Variants in SYNE1 observed in about 807,000 individuals in gnomAD.
The protein encoded by SYNE1 is nesprin-1.
SYNE1 carries 616 observed loss-of-function variants against 1,111.0 expected under a neutral mutation model. That is an observed-to-expected ratio of 0.55 (90% CI 0.52 to 0.59). SYNE1 has a LOEUF of 0.59. SYNE1 is among the 20% of genes least tolerant of loss of function. SYNE1 has a pLI of 0.00. For synonymous variants in SYNE1, 3,855 were observed against 3,825.8 expected, an observed-to-expected ratio of 1.01 and a Z score of -0.28; for missense variants, 10,006 against 10,417.0, an observed-to-expected ratio of 0.96 and a Z score of 1.72.
At chr6:152,250,865 T>C (rs2088973387) in intron 104 of SYNE1, among the ~76,000 whole-genome samples, 1 of 152,236 alleles carries the variant, frequency 6.6e-6, no homozygotes, top group Non-Finnish European at 1.5e-5. Context: ...CCAGTTAATC[T>C]AAATGAGTAG....
intron 12 of SYNE1, among the ~76,000 whole-genome samples, chr6:152,486,439 C>T (rs938400374): frequency 8.5e-5 from 13 of 152,170 alleles, no homozygotes; most frequent in African/African-American, 9.7e-5. Flanking sequence ...TGATCACCTT[C>T]GGGCTGAAAG....
chr6:152,484,867 C>G lies in SYNE1; in HGVS notation c.1153G>C (p.Val385Leu). 3.1e-6 allele frequency: 5 copies of G among 1,613,934 alleles called. No individual in the cohort carries two copies. Among genetic ancestry groups the G allele is most frequent in the South Asian group, 1.1e-5 (1 of 91,084 alleles). Reference sequence around the variant, plus strand: ...GTCACTCTATCCCAAGATTGTTTTACCAATGCTTGGTCAAGTGACAATTTA... The same window carrying G: ...GTCACTCTATCCCAAGATTGTTTTAGCAATGCTTGGTCAAGTGACAATTTA... ...DGKLSLDQAL[V>L]KQSWDRVTSR... The change falls in exon 13 of 146, where the codon GTA becomes CTA. Residue 385 changes from valine to leucine, a missense_variant. This residue lies in a region of SYNE1 where 1,971 missense variants were observed against 2,084.1 expected (regional missense o/e 0.95). Coordinates refer to ENST00000367255, the MANE Select transcript of SYNE1 (RefSeq NM_182961.4).
At chr6:152,273,731 G>T (rs993201592) in intron 98 of SYNE1, among the ~76,000 whole-genome samples, 3 of 152,230 alleles carry the variant, frequency 2.0e-5, no homozygotes. Context: ...AATGCCACTT[G>T]TAAATTCTTG....
At chr6:152,287,571 A>G (rs2094399843) in intron 95 of SYNE1, among the ~76,000 whole-genome samples, 2 of 152,128 alleles carry the variant, frequency 1.3e-5, no homozygotes, top group Non-Finnish European at 2.9e-5. Context: ...TTTTTGAGAC[A>G]GAGTCTCACC....
chr6:152,582,699 T>C (rs1489254831), intron 3 of SYNE1, among the ~76,000 whole-genome samples: 1 of 152,016 alleles, frequency 6.6e-6, no homozygotes, highest in East Asian at 1.9e-4. Context: ...CAGTGAAAAC[T>C]ATCTGATAAG....
Position 152,255,611 on chromosome 6 carries a change from T to A in SYNE1, c.19240A>T (p.Thr6414Ser). Residue 6414 changes from threonine to serine, a missense_variant, in exon 103 of 146, where the codon ACT becomes TCT. Physicochemically the swap from Thr to Ser is moderately conservative, Grantham distance 58. Transcript: ENST00000367255. Reference sequence around the variant, plus strand: ...CCTACCTCTTGGTTGAAGAGACAAGTCTCTGTTTCTTCTGGTAAAAGTGCT... The same window carrying A: ...CCTACCTCTTGGTTGAAGAGACAAGACTCTGTTTCTTCTGGTAAAAGTGCT... ...ATALLPEETE[T>S]CLFNQEILAK... 1 of 1,614,164 alleles carries A rather than the reference T, an allele frequency of 6.2e-7. No homozygotes were observed. Among genetic ancestry groups the A allele is most frequent in the Non-Finnish European group, 8.5e-7 (1 of 1,180,028 alleles).
intron 40 of SYNE1, 21 bp from the exon 41 acceptor site, chr6:152,417,036 A>G: frequency 6.2e-7 from 1 of 1,613,082 alleles, no homozygotes; most frequent in Non-Finnish European, 8.5e-7. Context: ...AGAGAGAGTT[A>G]TTGATTCCTG....
intron 14 of SYNE1, among the ~76,000 whole-genome samples, chr6:152,473,389 G>A (rs2098817611): frequency 6.6e-6 from 1 of 152,164 alleles, no homozygotes; most frequent in African/African-American, 2.4e-5. Flanking sequence ...CTAAAATCAA[G>A]AGACACACTT....
chr6:152,472,678 C>T (rs1057062789), intron 14 of SYNE1: 23 of 699,112 alleles, frequency 3.3e-5, no homozygotes, highest in East Asian at 5.4e-5. Context: ...TGCATTCAGA[C>T]GTTTTAAAGG....
At chr6:152,183,141 G>A (rs1442839931) in intron 128 of SYNE1, among the ~76,000 whole-genome samples, 3 of 152,108 alleles carry the variant, frequency 2.0e-5, no homozygotes, top group Non-Finnish European at 2.9e-5. Context: ...TCTGAGAGCC[G>A]CGTGCACTCT....
intron 106 of SYNE1, among the ~76,000 whole-genome samples, chr6:152,244,257 T>C (rs1320301706): frequency 1.3e-5 from 2 of 152,106 alleles, no homozygotes; most frequent in Non-Finnish European, 2.9e-5. Flanking sequence ...CAGTAGAAAA[T>C]AATATGCTAC....
At position 152,323,870 on chromosome 6, in the gene SYNE1, A is replaced by T. The variant is rs1334442482; in HGVS notation, c.15658-133T>A. On this transcript the variant is annotated intron_variant, in intron 81 of 145. Coordinates refer to ENST00000367255, the MANE Select transcript of SYNE1 (RefSeq NM_182961.4). ...TGATATAAATTCCACATGTTAGGAA[A>T]CTGGAACCTGAGCAACCTTCTTAAC... is the stretch of plus-strand genomic sequence containing the variant. 2.8e-6 allele frequency: 3 copies of T among 1,059,566 alleles called. No homozygotes were observed. The East Asian group carries it at 7.7e-5, about 27-fold the overall frequency. The allele number at this position is 1,059,566 out of a possible 1,614,324, so 65.6% of individuals were successfully genotyped here.
In SYNE1 at chr6:152,155,061, GA is replaced by G. The variant is rs760623784; in HGVS notation, c.23979-20del. 3.7e-6 allele frequency: 6 copies of G among 1,613,956 alleles called. No homozygotes were observed. The Admixed American group carries it at 1.0e-4, about 27-fold the overall frequency. On this transcript the variant is annotated intron_variant, in intron 132 of 145. Transcript: ENST00000367255. The stretch of plus-strand genomic sequence containing the variant: ...TTCGATTCTGGGGCGGAAAATGAAA[GA>G]ACAGATTCAGATTATTGGAGACTGT...
At chr6:152,575,099 A>G (rs1210305992) in intron 3 of SYNE1, among the ~76,000 whole-genome samples, 2 of 152,202 alleles carry the variant, frequency 1.3e-5, no homozygotes, top group Non-Finnish European at 2.9e-5. Context: ...ATGACACATG[A>G]TGGTGGTGGG....
At chr6:152,499,252 G>T (rs1283908952) in intron 10 of SYNE1, among the ~76,000 whole-genome samples, 1 of 151,902 alleles carries the variant, frequency 6.6e-6, no homozygotes, top group African/African-American at 2.4e-5. Context: ...ATAAATGAAA[G>T]TTTAGAAGGT....
intron 14 of SYNE1, chr6:152,481,053 C>T (rs2154292169): frequency 3.3e-6 from 1 of 301,228 alleles, no homozygotes; most frequent in Non-Finnish European, 6.5e-6. Context: ...TGTGCATTGG[C>T]CAACTTAGGA....
At chr6:152,365,120 G>A in intron 62 of SYNE1, 101 bp from the exon 63 acceptor site, 2 of 1,472,850 alleles carry the variant, frequency 1.4e-6, no homozygotes, top group Non-Finnish European at 1.9e-6. Flanking sequence ...ATATGCAATT[G>A]TGCCCAGCCC....
chr6:152,374,766 C>T (rs1386574801), intron 58 of SYNE1, among the ~76,000 whole-genome samples: 1 of 138,328 alleles, frequency 7.2e-6, no homozygotes. Flanking sequence ...AGAGTAAACA[C>T]TTTTCTCAAA....
chr6:152,328,335 T>C (rs920181415), intron 78 of SYNE1, among the ~76,000 whole-genome samples: 11 of 152,026 alleles, frequency 7.2e-5, no homozygotes, highest in Non-Finnish European at 1.6e-4. Context: ...GCCAAGAAGT[T>C]AAAGGAAGTA....
Sources: gnomAD v4.1 joint callset for allele counts (sites outside exome capture counted in the v4.1 genomes callset) on GRCh38, gnomAD v4.1.1 for gene constraint, gnomAD v4.1.1 regional missense constraint, MANE v1.5 for transcripts, NCBI Gene and HGNC (gene_info 2026-07-23, HGNC 2026-07-21) for gene names.